ANO6: variants seen among roughly 807,000 people sequenced by gnomAD.
ANO6 encodes the protein anoctamin-6.
A neutral mutation model predicts 117.5 loss-of-function variants in ANO6; 106 were observed. That is an observed-to-expected ratio of 0.90 (90% CI 0.77 to 1.06). The LOEUF (loss-of-function observed/expected upper bound fraction) is 1.06, where lower values mean the gene tolerates loss of function less well. ANO6 is among the 50% of genes least tolerant of loss of function. The pLI, the probability that ANO6 is intolerant of heterozygous loss-of-function variation, is 0.00. For synonymous variants in ANO6, 367 were observed against 385.1 expected (o/e 0.95, Z 0.55); for missense variants, 955 against 1,121.1 (o/e 0.85, Z 2.12).
chr12:45,298,952 A>C (rs965308375), intron 1 of ANO6, among the ~76,000 whole-genome samples: 1 of 152,140 alleles, frequency 6.6e-6, no homozygotes, highest in Non-Finnish European at 1.5e-5. Context: ...ATAAGATGCC[A>C]AGTCACTCCA....
chr12:45,323,935 A>ATTTTT (rs761870704), intron 2 of ANO6, among the ~76,000 whole-genome samples: 2 of 108,324 alleles, frequency 1.8e-5, no homozygotes, highest in Non-Finnish European at 3.7e-5. Flanking sequence ...TTGTTGTTGT[A>ATTTTT]TTTTTTTTTT....
chr12:45,338,677 T>G (rs1342454883), intron 3 of ANO6, among the ~76,000 whole-genome samples: 1 of 152,098 alleles, frequency 6.6e-6, no homozygotes, highest in African/African-American at 2.4e-5. Flanking sequence ...TAAATTAAAT[T>G]AGAATCAGCA....
chr12:45,261,406 T>C (rs1310340595), intron 1 of ANO6, among the ~76,000 whole-genome samples: 1 of 152,198 alleles, frequency 6.6e-6, no homozygotes, highest in African/African-American at 2.4e-5. Flanking sequence ...ATTAATGATA[T>C]TGATTGGACA....
chr12:45,369,536 T>C (rs539349739), intron 9 of ANO6, among the ~76,000 whole-genome samples: 27 of 152,260 alleles, frequency 1.8e-4, no homozygotes, highest in Non-Finnish European at 2.6e-4. Context: ...AATTCTATTC[T>C]AGTTTCCTGA....
At chr12:45,248,519 C>T (rs1043382815) in intron 1 of ANO6, among the ~76,000 whole-genome samples, 7 of 150,272 alleles carry the variant, frequency 4.7e-5, no homozygotes, top group African/African-American at 1.5e-4. Flanking sequence ...TTGCAACCTC[C>T]GCTTCCCAGG....
chr12:45,282,926 C>G (rs185827546), intron 1 of ANO6, among the ~76,000 whole-genome samples: 89 of 152,292 alleles, frequency 5.8e-4, no homozygotes, highest in Non-Finnish European at 1.1e-3. Flanking sequence ...CTCGCTCTCT[C>G]ATACACACTT....
chr12:45,259,542 A>G (rs921961274), intron 1 of ANO6, among the ~76,000 whole-genome samples: 2 of 152,240 alleles, frequency 1.3e-5, no homozygotes, highest in Admixed American at 1.3e-4. Flanking sequence ...GGGCATTCAC[A>G]GGGCAGGTAC....
At chr12:45,346,211 T>C (rs1236530539) in intron 3 of ANO6, among the ~76,000 whole-genome samples, 1 of 152,206 alleles carries the variant, frequency 6.6e-6, no homozygotes, top group Non-Finnish European at 1.5e-5. Context: ...GTTCTTAACC[T>C]CTGTGTCTAC....
At position 45,390,511 on chromosome 12, in the gene ANO6, C is replaced by G. The variant is rs534486658; in HGVS notation, c.1386+13C>G. The G allele has an allele frequency of 6.2e-7, 1 of 1,608,230 alleles. No homozygotes were observed. The highest frequency in any genetic ancestry group is 1.3e-5 in the African/African-American group (1 of 74,832). On this transcript the variant is annotated intron_variant, in intron 12 of 19. Transcript: ENST00000320560. ...TGTCTTTTTCTGGGTAATTCTATCA[C>G]AAAAATGTTTTGAATGATTAAAAAT...
At chr12:45,290,056 C>A (rs1282453798) in intron 1 of ANO6, among the ~76,000 whole-genome samples, 2 of 152,174 alleles carry the variant, frequency 1.3e-5, no homozygotes, top group African/African-American at 4.8e-5. Context: ...TATCCTCCCC[C>A]TCAAATGAAT....
intron 19 of ANO6, 29 bp from the exon 20 acceptor site, chr12:45,429,072 TGTGA>T (rs1943573078): frequency 2.5e-6 from 4 of 1,609,494 alleles, no homozygotes; most frequent in East Asian, 2.2e-5. Context: ...TCCATTTCTT[TGTGA>T]GTGACATTTT....
chr12:45,407,793 A>G (rs530898337), intron 15 of ANO6, among the ~76,000 whole-genome samples: 1 of 152,246 alleles, frequency 6.6e-6, no homozygotes, highest in East Asian at 1.9e-4. Flanking sequence ...TTTAATCCTG[A>G]CAGCAGCCCT....
intron 11 of ANO6, 130 bp from the exon 12 acceptor site, chr12:45,390,291 T>C (rs1053246845): frequency 2.6e-6 from 2 of 775,558 alleles, no homozygotes; most frequent in Non-Finnish European, 4.5e-6. Context: ...AGTGCAATTA[T>C]GAGTAAGGAG....
intron 1 of ANO6, among the ~76,000 whole-genome samples, chr12:45,217,389 T>C (rs1947332665): frequency 6.6e-6 from 1 of 152,236 alleles, no homozygotes; most frequent in African/African-American, 2.4e-5. Flanking sequence ...TCTAATAACT[T>C]TAAAAGTAAC....
chr12:45,244,426 A>T (rs1947794208), intron 1 of ANO6, among the ~76,000 whole-genome samples: 1 of 136,626 alleles, frequency 7.3e-6, no homozygotes, highest in African/African-American at 2.8e-5. Context: ...TGGTCTGTGG[A>T]TCTGCATGGG....
At chr12:45,395,481 A>T (rs1022636442) in intron 12 of ANO6, among the ~76,000 whole-genome samples, 7 of 152,092 alleles carry the variant, frequency 4.6e-5, no homozygotes, top group Non-Finnish European at 1.5e-5. Context: ...ATCCTCCCTA[A>T]CTCATTTTAT....
intron 1 of ANO6, among the ~76,000 whole-genome samples, chr12:45,299,417 C>T (rs909521609): frequency 4.6e-5 from 7 of 152,224 alleles, no homozygotes; most frequent in Admixed American, 2.6e-4. Flanking sequence ...TTGGTTCACA[C>T]ATAGGGTGTC....
At chr12:45,341,581 C>A (rs1342321012) in intron 3 of ANO6, among the ~76,000 whole-genome samples, 1 of 152,118 alleles carries the variant, frequency 6.6e-6, no homozygotes, top group Non-Finnish European at 1.5e-5. Context: ...ATGTTCACAT[C>A]CTTCAGAGAA....
At chr12:45,398,759 G>A (rs1942700238) in intron 12 of ANO6, among the ~76,000 whole-genome samples, 2 of 152,148 alleles carry the variant, frequency 1.3e-5, no homozygotes, top group Admixed American at 1.3e-4. Flanking sequence ...ATAGGTTTAA[G>A]GGAAGGATAA....
Sources: allele counts gnomAD v4.1 joint callset (sites outside exome capture counted in the v4.1 genomes callset), GRCh38; gene constraint gnomAD v4.1.1; transcripts MANE v1.5; gene names NCBI Gene and HGNC (gene_info 2026-07-23, HGNC 2026-07-21).